The following BRCA1 variants were observed in gnomAD, a reference collection of about 807,000 sequenced individuals.
The protein encoded by BRCA1 is breast cancer type 1 susceptibility protein.
A neutral mutation model predicts 173.7 loss-of-function variants in BRCA1; 140 were observed. That is an observed-to-expected ratio of 0.81 (90% confidence interval 0.70 to 0.93). The LOEUF (loss-of-function observed/expected upper bound fraction) is 0.93. Among genes scored for constraint, BRCA1 ranks in the 40% least tolerant of loss-of-function variants. BRCA1 has a pLI of 0.00. For synonymous variants in BRCA1, 662 were observed against 756.0 expected, an observed-to-expected ratio of 0.88 and a Z score of 2.04; for missense variants, 1,983 against 2,172.5, an observed-to-expected ratio of 0.91 and a Z score of 1.73.
chr17:43,159,349 G>A (rs1401384172), intron 1 of BRCA1: 13 of 159,756 alleles, frequency 8.1e-5, no homozygotes, highest in Non-Finnish European at 1.5e-4. Flanking sequence ...GGGACGGGGC[G>A]GCTGGCCTGG....
intron 12 of BRCA1, among the ~76,000 whole-genome samples, chr17:43,080,621 A>T (rs755118284): frequency 6.6e-6 from 1 of 152,126 alleles, no homozygotes. Context: ...CTTGGGCAAC[A>T]TAGGGAGACC....
chr17:43,098,948 G>A (rs1410788439), intron 7 of BRCA1, among the ~76,000 whole-genome samples: 1 of 149,656 alleles, frequency 6.7e-6, no homozygotes, highest in Non-Finnish European at 1.5e-5. Context: ...CTCCTGAGTA[G>A]CTGGGATTAC....
chr17:43,048,685 TTG>T (rs1246900543), intron 21 of BRCA1, among the ~76,000 whole-genome samples: 10 of 135,240 alleles, frequency 7.4e-5, no homozygotes, highest in Non-Finnish European at 1.3e-4. Context: ...TGGCTACTTT[TTG>T]TTTTTTTTTT....
chr17:43,066,975 G>A (rs1279039676), intron 16 of BRCA1, among the ~76,000 whole-genome samples: 3 of 150,658 alleles, frequency 2.0e-5, no homozygotes, highest in African/African-American at 2.4e-5. Context: ...CTGCCACCAC[G>A]CCCACCTAAT....
intron 1 of BRCA1, chr17:43,160,603 G>T (rs1363340667): frequency 6.6e-6 from 1 of 152,286 alleles, no homozygotes; most frequent in Admixed American, 6.5e-5. Context: ...CAGTCCCAGG[G>T]TGTGGCGCCC....
intron 12 of BRCA1, 70 bp from the exon 13 acceptor site, chr17:43,076,684 A>G: frequency 6.3e-7 from 1 of 1,576,460 alleles, no homozygotes; most frequent in Non-Finnish European, 8.7e-7. Flanking sequence ...AGGTTAGAAT[A>G]CTGATTTTTT....
chr17:43,110,556 C>A (rs1460999385), intron 3 of BRCA1: 1 of 442,254 alleles, frequency 2.3e-6, no homozygotes, highest in Non-Finnish European at 4.5e-6. Flanking sequence ...CCACTGTACT[C>A]CAGCTGGGAC....
intron 19 of BRCA1, among the ~76,000 whole-genome samples, chr17:43,054,184 G>C (rs2051364994): frequency 1.3e-5 from 2 of 152,160 alleles, no homozygotes; most frequent in African/African-American, 4.8e-5. Context: ...CTAGCATACA[G>C]TGGAGGAAAA....
At chr17:43,152,372 C>T (rs568539378) in intron 1 of BRCA1, among the ~76,000 whole-genome samples, 1 of 152,262 alleles carries the variant, frequency 6.6e-6, no homozygotes, top group African/African-American at 2.4e-5. Flanking sequence ...CATCCTTTTC[C>T]AACACATCTA....
chr17:43,134,773 G>A (rs1449938218), intron 1 of BRCA1, among the ~76,000 whole-genome samples: 1 of 152,128 alleles, frequency 6.6e-6, no homozygotes, highest in East Asian at 1.9e-4. Context: ...CTGAAAGGGC[G>A]GCCCTCATAC....
chr17:43,156,065 C>T (rs1366707646), intron 1 of BRCA1, among the ~76,000 whole-genome samples: 1 of 151,904 alleles, frequency 6.6e-6, no homozygotes. Flanking sequence ...GGGGAAACCC[C>T]GCCTCTGCTA....
rs142739377 is a variant in BRCA1 at position 43,050,648 on chromosome 17, C to A, written c.5332+415G>T. ...AAAAAAAGAAATGTTCACCGAGAAT[C>A]TTCCCCTGCTCTGGGCCCGTCCGTG... On this transcript the variant is annotated intron_variant, in intron 20 of 22. Transcript: ENST00000357654. Among the ~76,000 whole-genome samples, 7 of 151,412 alleles carry A rather than the reference C, an allele frequency of 4.6e-5. No homozygotes were observed. In the East Asian group the frequency reaches 1.2e-3, roughly 25 times the overall value.
chr17:43,093,412 C>T lies in BRCA1; in HGVS notation c.2119G>A (p.Gly707Ser), dbSNP rs587781420. The T allele has an allele frequency of 1.2e-6, 2 of 1,614,010 alleles. No individual in the cohort carries two copies. The highest frequency in any genetic ancestry group is 8.5e-7 in the Non-Finnish European group (1 of 1,179,982). ...GTATTTGAACACTTAGTAAAAGAAC[C>T]AGGTGCATTTGTTAACTTCAGCTCT... ...FPELKLTNAP[G>S]SFTKCSNTSE... Residue 707 changes from glycine (G) to serine (S), a missense_variant, in exon 10 of 23, where the codon GGT becomes AGT. Physicochemically the swap from Gly to Ser is moderately conservative, Grantham distance 56. Transcript: ENST00000357654.
At chr17:43,115,881 G>T (rs1173235973) in intron 2 of BRCA1, 102 bp from the exon 3 acceptor site, 3 of 1,246,690 alleles carry the variant, frequency 2.4e-6, no homozygotes, top group South Asian at 2.7e-5. Flanking sequence ...GAGCTGTTAT[G>T]ACTGAGTCAA....
chr17:43,091,198 C>A, intron 10 of BRCA1, 166 bp from the exon 11 acceptor site: 1 of 879,924 alleles, frequency 1.1e-6, no homozygotes. Flanking sequence ...AAAATGAAAC[C>A]AGAAGTAAGT....
intron 15 of BRCA1, among the ~76,000 whole-genome samples, chr17:43,069,572 T>C (rs867700575): frequency 6.4e-4 from 97 of 152,318 alleles, no homozygotes; most frequent in African/African-American, 2.2e-3. Flanking sequence ...AGGCAAGTGA[T>C]CAAGAGCCAT....
In BRCA1 at chr17:43,052,046, C is replaced by G. The variant is rs570207518; in HGVS notation, c.5278-929G>C. On this transcript the variant is annotated intron_variant, in intron 19 of 22. Coordinates refer to ENST00000357654, the MANE Select transcript of BRCA1 (RefSeq NM_007294.4). ...AGCAGTTTTTAATCTAGAAGTGAAG[C>G]CAGGTTCTGCCTCTCCTCATTGAAC... 2.0e-5 allele frequency among the ~76,000 whole-genome samples: 3 copies of G among 152,238 alleles called. 1 individual carries two copies. The Middle Eastern group carries it at 0.01, about 518-fold the overall frequency.
At chr17:43,163,561 C>T (rs374268911) in intron 1 of BRCA1, 6 of 152,284 alleles carry the variant, frequency 3.9e-5, no homozygotes, top group African/African-American at 1.4e-4. Context: ...GTCGAAAGAC[C>T]CATAAGGGGC....
chr17:43,050,942 G>C (rs913263582), intron 20 of BRCA1, 121 bp downstream of exon 20: 2 of 994,986 alleles, frequency 2.0e-6, no homozygotes, highest in Non-Finnish European at 3.1e-6. Flanking sequence ...TAGAGAAATA[G>C]AATAGCCTCT....
Sources: allele counts gnomAD v4.1 joint callset (sites outside exome capture counted in the v4.1 genomes callset), GRCh38; gene constraint gnomAD v4.1.1; transcripts MANE v1.5; gene names NCBI Gene and HGNC (gene_info 2026-07-23, HGNC 2026-07-21).